ARVCF: variants seen among roughly 807,000 people sequenced by gnomAD.
The protein encoded by ARVCF is splicing regulator ARVCF.
ARVCF carries 66 observed loss-of-function variants against 90.9 expected under a neutral mutation model. The ratio of observed to expected loss-of-function variants is 0.73; its 90% CI spans 0.60 to 0.89. The LOEUF is 0.89. Ranked by LOEUF, ARVCF falls within the 40% of genes least tolerant of loss-of-function variation. ARVCF has a pLI of 0.00. For missense variants in ARVCF, 1,469 were observed against 1,382.3 expected, an observed-to-expected ratio of 1.06 and a Z score of -1.00; for synonymous variants, 653 against 603.4, an observed-to-expected ratio of 1.08 and a Z score of -1.21.
chr22:19,974,068 C>T, intron 12 of ARVCF, 44 bp downstream of exon 12: 2 of 1,570,472 alleles, frequency 1.3e-6, no homozygotes, highest in Non-Finnish European at 1.7e-6. Flanking sequence ...GCCTGGGATT[C>T]CCTCTCTCAG....
downstream of ARVCF, among the ~76,000 whole-genome samples, chr22:19,966,725 G>A (rs1322649094): frequency 6.6e-6 from 1 of 151,992 alleles, no homozygotes; most frequent in Non-Finnish European, 1.5e-5. Flanking sequence ...ACAGGTGTGT[G>A]CTTGGTCTGA....
intron 2 of ARVCF, among the ~76,000 whole-genome samples, chr22:20,000,491 C>T (rs1448735610): frequency 1.2e-4 from 16 of 134,872 alleles, no homozygotes; most frequent in Non-Finnish European, 2.2e-4. Flanking sequence ...CCTGCAGCCT[C>T]CCATCTGGCT....
At chr22:20,012,004 A>G (rs1361693574) in intron 1 of ARVCF, among the ~76,000 whole-genome samples, 2 of 151,888 alleles carry the variant, frequency 1.3e-5, no homozygotes, top group African/African-American at 2.4e-5. Flanking sequence ...TTACACATGG[A>G]GAAACTGGGT....
intron 2 of ARVCF, among the ~76,000 whole-genome samples, chr22:19,996,910 C>A (rs1015262898): frequency 1.3e-5 from 2 of 152,222 alleles, no homozygotes; most frequent in African/African-American, 4.8e-5. Context: ...GGTAGAGGGA[C>A]AGAGATAGCT....
chr22:19,996,558 C>A (rs941046336), intron 2 of ARVCF, among the ~76,000 whole-genome samples: 1 of 152,216 alleles, frequency 6.6e-6, no homozygotes, highest in Non-Finnish European at 1.5e-5. Flanking sequence ...AAAAGACAAT[C>A]GACATGTTGG....
chr22:19,979,638 G>A, intron 6 of ARVCF, 105 bp downstream of exon 6: 4 of 1,444,274 alleles, frequency 2.8e-6, no homozygotes, highest in Non-Finnish European at 3.7e-6. Flanking sequence ...CTGCCTACCG[G>A]GTGCTTTCCC....
At chr22:20,008,544 G>A (rs2146488097) in intron 2 of ARVCF, among the ~76,000 whole-genome samples, 1 of 152,354 alleles carries the variant, frequency 6.6e-6, no homozygotes, top group Admixed American at 6.5e-5. Flanking sequence ...TGATGTGCCT[G>A]TGATGCCCAG....
At position 19,972,377 on chromosome 22, in the gene ARVCF, G is replaced by A. The variant is rs753163806; in HGVS notation, c.2676C>T (p.Pro892=). 27 of 1,613,594 alleles carry A rather than the reference G, an allele frequency of 1.7e-5. No homozygotes were observed. The African/African-American group carries it at 3.5e-4, about 21-fold the overall frequency. Residue 892 remains proline, a synonymous_variant, in exon 17 of 20, where the codon CCC becomes CCT. Coordinates refer to ENST00000263207, the MANE Select transcript of ARVCF (RefSeq NM_001670.3). The part of the protein sequence containing the change: ...GEKTGSRDVI[P]MDALGPDGYS... ...ACTCACCTGGGCCCAGCGCATCCAT[G>A]GGGATCACATCCCGGCTGCCAGTTT...
At chr22:19,977,610 G>C (rs1943233452) in intron 8 of ARVCF, 24 bp from the exon 9 acceptor site, 1 of 1,504,936 alleles carries the variant, frequency 6.6e-7, no homozygotes, top group African/African-American at 1.4e-5. Context: ...TGAGTGGGTG[G>C]GGCAGGGCAC....
chr22:19,965,473 C>CT (rs1942338867), downstream of ARVCF: 1 of 152,190 alleles, frequency 6.6e-6, no homozygotes, highest in South Asian at 2.1e-4. Flanking sequence ...TCCTGAGTAG[C>CT]TGGGACTACA....
At chr22:20,015,036 G>T (rs945188736) in intron 1 of ARVCF, among the ~76,000 whole-genome samples, 4 of 152,198 alleles carry the variant, frequency 2.6e-5, no homozygotes, top group African/African-American at 9.7e-5. Context: ...CAGCCCAGAT[G>T]TGGTGGGTGG....
chr22:19,974,219 G>A lies in ARVCF; in HGVS notation c.1981C>T (p.Pro661Ser). Residue 661 changes from proline to serine, a missense_variant, in exon 12 of 20, where the codon CCC becomes TCC. By Grantham distance (74) the Pro-to-Ser change is moderately conservative. Coordinates refer to ENST00000263207, the MANE Select transcript of ARVCF (RefSeq NM_001670.3). The part of the protein sequence containing the change: ...AAKGFELLYQ[P>S]EVVRLYLSLL... ...GAGAGGTAGAGACGTACCACCTCGG[G>A]CTGGTACAGCAGCTCAAAGCCTAGG... 3.7e-6 allele frequency: 6 copies of A among 1,611,240 alleles called. No individual in the cohort carries two copies. The South Asian group carries it at 4.4e-5, about 12-fold the overall frequency.
At chr22:19,982,721 A>G (rs1266731101) in intron 3 of ARVCF, among the ~76,000 whole-genome samples, 1 of 152,210 alleles carries the variant, frequency 6.6e-6, no homozygotes, top group East Asian at 1.9e-4. Flanking sequence ...CTGCAGCACC[A>G]GTATGTCCTT....
chr22:19,986,711 G>T, intron 3 of ARVCF: 1 of 239,386 alleles, frequency 4.2e-6, no homozygotes, highest in Non-Finnish European at 8.0e-6. Context: ...GCTCAGGAAG[G>T]CCCTGGCTCT....
intron 1 of ARVCF, among the ~76,000 whole-genome samples, chr22:20,015,854 C>T (rs2146536369): frequency 6.6e-6 from 1 of 152,270 alleles, no homozygotes; most frequent in Admixed American, 6.5e-5. Flanking sequence ...TTACATTACA[C>T]ATAGCTAAGA....
chr22:19,992,490 T>G (rs1944065871), intron 2 of ARVCF, among the ~76,000 whole-genome samples: 1 of 152,212 alleles, frequency 6.6e-6, no homozygotes, highest in South Asian at 2.1e-4. Context: ...GGGAGCCTTG[T>G]GCACTAATGG....
chr22:19,998,338 G>C (rs1452484705), intron 2 of ARVCF, among the ~76,000 whole-genome samples: 2 of 152,228 alleles, frequency 1.3e-5, no homozygotes, highest in East Asian at 3.9e-4. Flanking sequence ...GCCTCTTTGT[G>C]GTGACACAAA....
In ARVCF at chr22:19,981,242, T is replaced by A; in HGVS notation, c.865A>T (p.Arg289Trp). 1 of 1,556,284 alleles carries A rather than the reference T, an allele frequency of 6.4e-7. No individual in the cohort carries two copies. Among genetic ancestry groups the A allele is most frequent in the South Asian group, 1.2e-5 (1 of 84,446 alleles). The change falls in exon 5 of 20, where the codon AGG becomes TGG. Residue 289 changes from arginine to tryptophan, a missense_variant. Coordinates refer to ENST00000263207, the MANE Select transcript of ARVCF (RefSeq NM_001670.3). ...TGAAGGCCCCGCCCACACTCAGGCC[T>A]CCTCCTTGTGGCCGTGCCATAGTCA... ...EPDYGTATRR[R>W]PECGRGLHTR...
intron 16 of ARVCF, 91 bp downstream of exon 16, chr22:19,972,646 G>T: frequency 7.2e-7 from 1 of 1,384,204 alleles, no homozygotes; most frequent in Non-Finnish European, 9.7e-7. Flanking sequence ...TCAGTGGGAG[G>T]CCTGACTCCT....
Sources: gnomAD v4.1 joint callset for allele counts (sites outside exome capture counted in the v4.1 genomes callset) on GRCh38, gnomAD v4.1.1 for gene constraint, MANE v1.5 for transcripts, NCBI Gene and HGNC (gene_info 2026-07-23, HGNC 2026-07-21) for gene names.